Variants in FNIP1 observed in about 807,000 individuals in gnomAD.
The protein encoded by FNIP1 is folliculin interacting protein 1.
Under a neutral mutation model 124.5 loss-of-function variants are expected in FNIP1, and 40 were observed. The ratio of observed to expected loss-of-function variants is 0.32; its 90% CI spans 0.25 to 0.42. The LOEUF (loss-of-function observed/expected upper bound fraction) is 0.42. Ranked by LOEUF, FNIP1 falls within the 10% of genes least tolerant of loss-of-function variation. The pLI, the probability that FNIP1 is intolerant of heterozygous loss-of-function variation, is 1.00. For synonymous variants in FNIP1, 472 were observed against 470.6 expected (o/e 1.00, Z -0.04); for missense variants, 1,176 against 1,403.7 (o/e 0.84, Z 2.59).
At chr5:131,682,124 T>G (rs1377998878) in intron 11 of FNIP1, among the ~76,000 whole-genome samples, 1 of 152,074 alleles carries the variant, frequency 6.6e-6, no homozygotes, top group Admixed American at 6.6e-5. Context: ...ACTTTTTGAT[T>G]AAAAGAAACA....
rs1300473962 is a variant in FNIP1, at chr5:131,643,447, T to C, written c.*1238A>G. On this transcript the variant is annotated 3_prime_UTR_variant, in exon 18 of 18. Coordinates refer to ENST00000510461, the MANE Select transcript of FNIP1 (RefSeq NM_133372.3). ...GACCAGATAAGCAAAGAATAAACTA[T>C]AATGTAGTACTCAAGTAAACTGAGG... 6.5e-6 allele frequency: 1 copy of C among 152,750 alleles called. No homozygotes were observed. Among genetic ancestry groups the C allele is most frequent in the Non-Finnish European group, 1.5e-5 (1 of 68,028 alleles). The allele number at this position is 152,750 out of a possible 1,614,324, so 9.5% of individuals were successfully genotyped here.
Position 131,672,425 on chromosome 5 carries a change from G to A in FNIP1, c.2019C>T (p.Cys673=). The A allele has an allele frequency of 6.2e-7, 1 of 1,613,820 alleles. No individual in the cohort carries two copies. The highest frequency in any genetic ancestry group is 8.5e-7 in the Non-Finnish European group (1 of 1,180,020). ...VKQYRDKLRT[C]FDAKLETVVC... ...CAACTGTCTCTAACTTGGCGTCAAA[G>A]CAAGTTCTTAATTTATCTCTGTACT... Residue 673 remains cysteine, a synonymous_variant, in exon 14 of 18, where the codon TGC becomes TGT. Transcript: ENST00000510461.
intron 2 of FNIP1, among the ~76,000 whole-genome samples, chr5:131,736,595 T>C (rs1430359923): frequency 2.0e-5 from 3 of 152,232 alleles, no homozygotes; most frequent in East Asian, 3.8e-4. Context: ...CCACCTCCTG[T>C]CACATCAGCC....
At chr5:131,730,495 T>C (rs991397769) in intron 3 of FNIP1, among the ~76,000 whole-genome samples, 1 of 152,186 alleles carries the variant, frequency 6.6e-6, no homozygotes, top group Admixed American at 6.5e-5. Flanking sequence ...ATACGTTTAA[T>C]TCCATATTTT....
intron 1 of FNIP1, among the ~76,000 whole-genome samples, chr5:131,745,141 C>T (rs967872009): frequency 3.4e-5 from 5 of 146,530 alleles, no homozygotes; most frequent in Admixed American, 3.4e-4. Context: ...AAAGGACTTA[C>T]AAGACAAAAA....
intron 14 of FNIP1, 26 bp from the exon 15 acceptor site, chr5:131,670,657 C>T (rs535706546): frequency 1.3e-6 from 2 of 1,492,902 alleles, no homozygotes; most frequent in Non-Finnish European, 1.8e-6. Context: ...CCCCAAAAGA[C>T]ATTTATTTAG....
chr5:131,755,624 A>G (rs1408009686), intron 1 of FNIP1, among the ~76,000 whole-genome samples: 1 of 152,158 alleles, frequency 6.6e-6, no homozygotes, highest in African/African-American at 2.4e-5. Flanking sequence ...TTAAGAACAG[A>G]GAGAAGAAAA....
rs59083382 is a variant in FNIP1, at chr5:131,751,251, A to C, written c.93-6561T>G. 1.9e-3 allele frequency among the ~76,000 whole-genome samples: 287 copies of C among 152,262 alleles called. 1 individual carries two copies. The highest frequency in any genetic ancestry group is 5.8e-3 in the African/African-American group (242 of 41,538). ...TCACTCTCCTGGCAAACTCTTATTTATTCTTAAAGATCTAGCTCCAAATGT... is the reference window on the plus strand; with the variant it reads ...TCACTCTCCTGGCAAACTCTTATTTCTTCTTAAAGATCTAGCTCCAAATGT... On this transcript the variant is annotated intron_variant, in intron 1 of 17. Transcript: ENST00000510461.
chr5:131,661,710 T>C (rs1767442617), intron 15 of FNIP1, among the ~76,000 whole-genome samples: 2 of 152,242 alleles, frequency 1.3e-5, no homozygotes, highest in Admixed American at 1.3e-4. Context: ...GTGACTATGG[T>C]GCGGTGAGCA....
In FNIP1 at chr5:131,672,444, C is replaced by G. The variant is rs143103389; in HGVS notation, c.2000G>C (p.Arg667Thr). Residue 667 changes from arginine (R) to threonine (T), a missense_variant, in exon 14 of 18, where the codon AGA (arginine) becomes ACA (threonine). Arg to Thr is a moderately conservative substitution (Grantham distance 71, BLOSUM62 -1). Coordinates refer to ENST00000510461, the MANE Select transcript of FNIP1 (RefSeq NM_133372.3). ...GTCAAAGCAAGTTCTTAATTTATCTCTGTACTGTTTAACATCAACAGCATT... is the reference window on the plus strand; with the variant it reads ...GTCAAAGCAAGTTCTTAATTTATCTGTGTACTGTTTAACATCAACAGCATT... ...EENAVDVKQY[R>T]DKLRTCFDAK... 39 of 1,613,616 alleles carry G rather than the reference C, an allele frequency of 2.4e-5. No homozygotes were observed. In the Admixed American group the frequency reaches 3.5e-4, roughly 14 times the overall value.
In FNIP1 at chr5:131,748,350, A is replaced by G. The variant is rs567864211; in HGVS notation, c.93-3660T>C. On this transcript the variant is annotated intron_variant, in intron 1 of 17. Transcript: ENST00000510461. The stretch of plus-strand genomic sequence containing the variant: ...ACAAACCTACTGCACTGTCAGTCAT[A>G]TGAAGGTATTACGGATACAATTATG... 3.3e-5 allele frequency among the ~76,000 whole-genome samples: 5 copies of G among 152,268 alleles called. No homozygotes were observed. In the East Asian group the frequency reaches 9.7e-4, roughly 29 times the overall value.
chr5:131,765,226 G>C (rs898853843), intron 1 of FNIP1, among the ~76,000 whole-genome samples: 1 of 151,170 alleles, frequency 6.6e-6, no homozygotes, highest in African/African-American at 2.4e-5. Flanking sequence ...TGTCTGCGGG[G>C]GAAAAAAAAA....
Position 131,642,218 on chromosome 5 carries a change from C to T in FNIP1, c.*2467G>A, listed in dbSNP as rs1192143252. 1 of 152,612 alleles carries T rather than the reference C, an allele frequency of 6.6e-6. No homozygotes were observed. The highest frequency in any genetic ancestry group is 1.5e-5 in the Non-Finnish European group (1 of 68,020). The allele number at this position is 152,612 out of a possible 1,614,324, so 9.5% of individuals were successfully genotyped here. A position where few individuals can be genotyped will look rare whatever the true frequency, so the allele number is the denominator to read the frequency against. ...CTTTTCACATTCATCATAATGACCA[C>T]ACTTTAAAGTAGCAGCAGCTCATTC... On this transcript the variant is annotated 3_prime_UTR_variant, in exon 18 of 18. Transcript: ENST00000510461.
rs1767584965 is a variant in FNIP1 at position 131,665,809 on chromosome 5, T to C, written c.3108+4654A>G. Reference sequence around the variant, plus strand: ...TTTCACTATGTTGGCCAGACTGGTCTCGAACTCTTGACCTCATGATCTGCC... The same window carrying C: ...TTTCACTATGTTGGCCAGACTGGTCCCGAACTCTTGACCTCATGATCTGCC... On this transcript the variant is annotated intron_variant, in intron 15 of 17. Coordinates refer to ENST00000510461, the MANE Select transcript of FNIP1 (RefSeq NM_133372.3). Among the ~76,000 whole-genome samples the C allele has an allele frequency of 2.0e-5, 3 of 151,856 alleles. No individual in the cohort carries two copies. In the South Asian group the frequency reaches 6.2e-4, roughly 31 times the overall value.
chr5:131,671,694 T>A lies in FNIP1; in HGVS notation c.2750A>T (p.Asp917Val). 6.2e-7 allele frequency: 1 copy of A among 1,614,178 alleles called. No homozygotes were observed. The change falls in exon 14 of 18, where the codon GAT becomes GTT. Residue 917 changes from aspartate (D) to valine (V), a missense_variant. By Grantham distance (152) the Asp-to-Val change is radical. Coordinates refer to ENST00000510461, the MANE Select transcript of FNIP1 (RefSeq NM_133372.3). ...DTLSILVPHG[D>V]KESSDKKIAV... ...AATTTTTTTATCTGAACTCTCTTTA[T>A]CCCCATGGGGGACAAGAATGGAGAG...
intron 11 of FNIP1, 79 bp from the exon 12 acceptor site, chr5:131,679,254 C>T: frequency 1.2e-6 from 1 of 828,532 alleles, no homozygotes; most frequent in Non-Finnish European, 2.0e-6. Flanking sequence ...GTTTATATTG[C>T]CAGCTTGGTC....
chr5:131,775,720 G>T (rs1771780837), intron 1 of FNIP1, among the ~76,000 whole-genome samples: 1 of 151,812 alleles, frequency 6.6e-6, no homozygotes, highest in Non-Finnish European at 1.5e-5. Flanking sequence ...TAGAGACGGG[G>T]TTTCACCATG....
rs1199180296 is a variant in FNIP1, at chr5:131,672,490, G to A, written c.1954C>T (p.Pro652Ser). 1 of 1,613,544 alleles carries A rather than the reference G, an allele frequency of 6.2e-7. No homozygotes were observed. Among genetic ancestry groups the A allele is most frequent in the East Asian group, 2.2e-5 (1 of 44,888 alleles). Residue 652 changes from proline (P) to serine (S), a missense_variant, in exon 14 of 18, where the codon CCT becomes TCT. Pro to Ser is a moderately conservative substitution (Grantham distance 74). This residue lies in a region of FNIP1 where 1,109 missense variants were observed against 1,288.5 expected (regional missense o/e 0.86). Coordinates refer to ENST00000510461, the MANE Select transcript of FNIP1 (RefSeq NM_133372.3). ...GISDECQMIS[P>S]SDCQEENAVD... Reference sequence around the variant, plus strand: ...GCATTTTCTTCTTGGCAGTCAGAAGGAGAAATCATCTGGCACTCATCTGAA... The same window carrying A: ...GCATTTTCTTCTTGGCAGTCAGAAGAAGAAATCATCTGGCACTCATCTGAA...
chr5:131,766,156 G>A (rs1371688579), intron 1 of FNIP1, among the ~76,000 whole-genome samples: 1 of 150,694 alleles, frequency 6.6e-6, no homozygotes, highest in African/African-American at 2.4e-5. Context: ...CACTCAGGCT[G>A]GAATAGTGTA....
Sources: gnomAD v4.1 joint callset for allele counts (sites outside exome capture counted in the v4.1 genomes callset) on GRCh38, gnomAD v4.1.1 for gene constraint, gnomAD v4.1.1 regional missense constraint, MANE v1.5 for transcripts, NCBI Gene and HGNC (gene_info 2026-07-23, HGNC 2026-07-21) for gene names.